Variants in SGCD observed in about 807,000 individuals in gnomAD.
SGCD encodes the protein sarcoglycan delta, also known as delta-sarcoglycan.
A neutral mutation model predicts 36.6 loss-of-function variants in SGCD; 18 were observed. That is an observed-to-expected ratio of 0.49 (90% CI 0.34 to 0.73). The LOEUF is 0.73. Ranked by LOEUF, SGCD falls within the 30% of genes least tolerant of loss-of-function variation. The probability of loss-of-function intolerance (pLI) is 0.01; values close to 1 mark genes in which losing one functional copy is unlikely to be tolerated. For missense variants in SGCD, 387 were observed against 346.7 expected, an observed-to-expected ratio of 1.12 and a Z score of -0.92; for synonymous variants, 133 against 130.6, an observed-to-expected ratio of 1.02 and a Z score of -0.12.
rs556648929 is a variant in SGCD at position 156,293,974 on chromosome 5, C to G, written c.-43-35560C>G. Among the ~76,000 whole-genome samples the G allele has an allele frequency of 2.0e-5, 3 of 152,196 alleles. No individual in the cohort carries two copies. In the South Asian group the frequency reaches 6.2e-4, roughly 32 times the overall value. The stretch of plus-strand genomic sequence containing the variant: ...TCTTCCAATCCATGAACATGAGGTG[C>G]GTTTCCATTTATTTATGTCTTTTTA... On this transcript the variant is annotated intron_variant, in intron 3 of 9. Transcript: ENST00000517913.
At chr5:156,705,151 A>G (rs1754689623) in intron 7 of SGCD, among the ~76,000 whole-genome samples, 1 of 152,202 alleles carries the variant, frequency 6.6e-6, no homozygotes, top group Non-Finnish European at 1.5e-5. Context: ...TCCTTAATAT[A>G]AAGTAGGTAC....
At position 156,444,115 on chromosome 5, in the gene SGCD, TCC is replaced by T. The variant is rs1474832394; in HGVS notation, c.193-64483_193-64482del. On this transcript the variant is annotated intron_variant, in intron 3 of 8. Transcript: ENST00000337851. ...CTCTCTCTCTCTCTCTCTCTCTCTC[TCC>T]CCTTCCCTCTCTCTCTCTCTCCTTC... 5.6e-4 allele frequency among the ~76,000 whole-genome samples: 41 copies of T among 72,828 alleles called. 4 individuals carry two copies. The highest frequency in any genetic ancestry group is 2.3e-3 in the African/African-American group (37 of 16,286). The allele number at this position is 72,828 out of a possible 152,430, so 47.8% of individuals were successfully genotyped here.
intron 1 of SGCD, among the ~76,000 whole-genome samples, chr5:156,061,483 G>A (rs2127583955): frequency 6.8e-6 from 1 of 146,084 alleles, no homozygotes; most frequent in East Asian, 1.9e-4. Flanking sequence ...CTGAAAACCA[G>A]GATTCGACTT....
chr5:156,550,919 A>G (rs1758768256), intron 4 of SGCD, among the ~76,000 whole-genome samples: 1 of 152,162 alleles, frequency 6.6e-6, no homozygotes, highest in African/African-American at 2.4e-5. Flanking sequence ...CTGCCTTCGT[A>G]GGTCATCTTG....
At chr5:155,997,582 T>G (rs756400410) in intron 1 of SGCD, among the ~76,000 whole-genome samples, 2 of 152,262 alleles carry the variant, frequency 1.3e-5, no homozygotes, top group Non-Finnish European at 2.9e-5. Flanking sequence ...TGTTCCTCTC[T>G]TGTTTTAAGT....
At chr5:155,946,758 C>G (rs905263135) in intron 1 of SGCD, among the ~76,000 whole-genome samples, 1 of 152,182 alleles carries the variant, frequency 6.6e-6, no homozygotes, top group Non-Finnish European at 1.5e-5. Flanking sequence ...GTGTGGCTGA[C>G]CAAACCAGCT....
At chr5:156,265,062 A>G (rs938350238) in intron 3 of SGCD, among the ~76,000 whole-genome samples, 1 of 152,182 alleles carries the variant, frequency 6.6e-6, no homozygotes, top group Non-Finnish European at 1.5e-5. Flanking sequence ...AAGGAGAACT[A>G]GAAGCCCAGC....
At chr5:156,500,224 C>A (rs1485423017) in intron 3 of SGCD, among the ~76,000 whole-genome samples, 2 of 152,188 alleles carry the variant, frequency 1.3e-5, no homozygotes, top group African/African-American at 4.8e-5. Context: ...ATTCCCCACA[C>A]TACCTTTCAA....
chr5:156,662,883 G>A (rs898163033), intron 7 of SGCD, among the ~76,000 whole-genome samples: 1 of 150,990 alleles, frequency 6.6e-6, no homozygotes, highest in African/African-American at 2.5e-5. Context: ...TTTTTGTTTT[G>A]GTAGCGGCCA....
chr5:156,641,876 C>T (rs777790932), intron 6 of SGCD, among the ~76,000 whole-genome samples: 15 of 152,202 alleles, frequency 9.9e-5, no homozygotes, highest in Non-Finnish European at 1.5e-4. Flanking sequence ...TCTCTCCTGG[C>T]TTCTCTTTAT....
intron 3 of SGCD, among the ~76,000 whole-genome samples, chr5:156,184,197 G>A (rs1466147340): frequency 1.3e-5 from 2 of 151,982 alleles, no homozygotes; most frequent in Non-Finnish European, 2.9e-5. Context: ...TGATAGTATG[G>A]GTACTGGAAG....
intron 3 of SGCD, among the ~76,000 whole-genome samples, chr5:156,379,386 A>G (rs1156994291): frequency 6.6e-6 from 1 of 152,164 alleles, no homozygotes; most frequent in Admixed American, 6.6e-5. Context: ...CTGGGCAGAG[A>G]GGATCAGAGG....
chr5:156,517,102 A>C (rs992273825), intron 4 of SGCD, among the ~76,000 whole-genome samples: 2 of 152,220 alleles, frequency 1.3e-5, no homozygotes, highest in Non-Finnish European at 2.9e-5. Flanking sequence ...ATGATAAAAC[A>C]TTACAGAAGC....
chr5:155,743,504 A>G, the SGCD span, among the ~76,000 whole-genome samples: 9 of 152,268 alleles, frequency 5.9e-5, no homozygotes, highest in Admixed American at 3.3e-4. Context: ...GAAATGTATA[A>G]CATGTCATCA....
At chr5:155,881,677 G>C (rs1268685636) in intron 1 of SGCD, among the ~76,000 whole-genome samples, 1 of 152,168 alleles carries the variant, frequency 6.6e-6, no homozygotes, top group East Asian at 1.9e-4. Flanking sequence ...TCCATAGCAT[G>C]CCATGCTGTT....
chr5:156,262,332 A>T (rs929701643), intron 3 of SGCD, among the ~76,000 whole-genome samples: 2 of 152,134 alleles, frequency 1.3e-5, no homozygotes, highest in African/African-American at 4.8e-5. Flanking sequence ...ATTGCATTAC[A>T]GTTGCCTGCA....
At chr5:156,109,821 C>G (rs921193479) in intron 1 of SGCD, among the ~76,000 whole-genome samples, 4 of 152,152 alleles carry the variant, frequency 2.6e-5, no homozygotes, top group African/African-American at 9.7e-5. Flanking sequence ...CTATGTCTGA[C>G]TCATTTGTCA....
intron 3 of SGCD, among the ~76,000 whole-genome samples, chr5:156,198,323 C>T (rs1298807358): frequency 6.6e-6 from 1 of 152,084 alleles, no homozygotes; most frequent in Admixed American, 6.6e-5. Context: ...GTTATGTTCA[C>T]ATAGGAAATA....
At chr5:156,547,685 G>A (rs1371720219) in intron 4 of SGCD, among the ~76,000 whole-genome samples, 5 of 151,964 alleles carry the variant, frequency 3.3e-5, no homozygotes, top group Non-Finnish European at 7.4e-5. Flanking sequence ...CTGGTGATCC[G>A]CCCACCTCGG....
Sources: gnomAD v4.1 joint callset for allele counts (sites outside exome capture counted in the v4.1 genomes callset) on GRCh38, gnomAD v4.1.1 for gene constraint, MANE v1.5 for transcripts, NCBI Gene and HGNC (gene_info 2026-07-23, HGNC 2026-07-21) for gene names.